The following FNIP1 variants were observed in gnomAD, a reference collection of about 807,000 sequenced individuals.
The protein encoded by FNIP1 is folliculin-interacting protein 1.
A neutral mutation model predicts 124.5 loss-of-function variants in FNIP1; 40 were observed. The observed-to-expected ratio is 0.32, with a 90% CI of 0.25 to 0.42. The LOEUF is 0.42. Ranked by LOEUF, FNIP1 falls within the 10% of genes least tolerant of loss-of-function variation. FNIP1 has a pLI of 1.00. For missense variants in FNIP1, 1,176 were observed against 1,403.7 expected (o/e 0.84, Z 2.59); for synonymous variants, 472 against 470.6 (o/e 1.00, Z -0.04).
At chr5:131,760,195 T>C (rs1771180672) in intron 1 of FNIP1, among the ~76,000 whole-genome samples, 1 of 152,028 alleles carries the variant, frequency 6.6e-6, no homozygotes, top group South Asian at 2.1e-4. Context: ...AATATGCCCA[T>C]GTAACAAACC....
At position 131,704,065 on chromosome 5, in the gene FNIP1, C is replaced by A; in HGVS notation, c.1116G>T (p.Gln372His). ...TACATAAATAAATAACTATGCTTAC[C>A]TGTTCTATTGCACTCTTTAATTTGT... ...HMNKLKSAIE[Q>H]AMKMSRRSAD... Residue 372 changes from glutamine (Q) to histidine (H), a missense_variant and splice_region_variant, in exon 10 of 18, where the codon CAG (glutamine) becomes CAT (histidine). Coordinates refer to ENST00000510461, the MANE Select transcript of FNIP1 (RefSeq NM_133372.3). 1 of 1,595,312 alleles carries A rather than the reference C, an allele frequency of 6.3e-7. No individual in the cohort carries two copies. The highest frequency in any genetic ancestry group is 8.6e-7 in the Non-Finnish European group (1 of 1,166,068).
intron 11 of FNIP1, among the ~76,000 whole-genome samples, chr5:131,684,934 G>C (rs1481711735): frequency 6.6e-6 from 1 of 152,116 alleles, no homozygotes; most frequent in Non-Finnish European, 1.5e-5. Flanking sequence ...TACTCAGAAA[G>C]AATCCTGAAG....
chr5:131,672,955 GT>G lies in FNIP1; in HGVS notation c.1520-32del, dbSNP rs767624072. On this transcript the variant is annotated intron_variant, in intron 13 of 17. Transcript: ENST00000510461. ...ATGGAAAAAATCAGTTATTGGACAT[GT>G]CCTTTACTGACACAGCTAAGTAAGC... 18 of 1,422,564 alleles carry G rather than the reference GT, an allele frequency of 1.3e-5. No homozygotes were observed. The South Asian group carries it at 2.6e-4, about 20-fold the overall frequency. The allele number at this position is 1,422,564 out of a possible 1,614,324, so 88.1% of individuals were successfully genotyped here. A position where few individuals can be genotyped will look rare whatever the true frequency, so the allele number is the denominator to read the frequency against.
At position 131,716,623 on chromosome 5, in the gene FNIP1, G is replaced by A; in HGVS notation, c.564C>T (p.Asp188=). Residue 188 remains aspartate (D), a synonymous_variant, in exon 6 of 18, where the codon GAC becomes GAT. Transcript: ENST00000510461. ...TATTATCAGCCTTTAATGTATTGTTGTCCTGATTGATGAATTCAAGACTAT... is the reference window on the plus strand; with the variant it reads ...TATTATCAGCCTTTAATGTATTGTTATCCTGATTGATGAATTCAAGACTAT... ...LQDSLEFINQ[D]NNTLKADNNT... 6.2e-7 allele frequency: 1 copy of A among 1,603,526 alleles called. No homozygotes were observed. The highest frequency in any genetic ancestry group is 8.5e-7 in the Non-Finnish European group (1 of 1,175,360).
intron 15 of FNIP1, among the ~76,000 whole-genome samples, chr5:131,667,868 G>A (rs754457667): frequency 4.9e-4 from 75 of 152,260 alleles, no homozygotes; most frequent in Non-Finnish European, 7.2e-4. Context: ...GATTATAGGC[G>A]TGAGCCACCA....
intron 10 of FNIP1, among the ~76,000 whole-genome samples, chr5:131,699,727 C>T (rs565055211): frequency 6.6e-6 from 1 of 151,316 alleles, no homozygotes; most frequent in East Asian, 2.0e-4. Context: ...CCCAGCCTGG[C>T]CAACATGGCA....
chr5:131,782,018 G>A (rs956662558), intron 1 of FNIP1, among the ~76,000 whole-genome samples: 5 of 152,126 alleles, frequency 3.3e-5, no homozygotes, highest in South Asian at 2.1e-4. Context: ...GCCAGGCATC[G>A]TGGCAAACAC....
At chr5:131,733,121 C>G (rs562171810) in intron 2 of FNIP1, among the ~76,000 whole-genome samples, 4 of 152,052 alleles carry the variant, frequency 2.6e-5, no homozygotes, top group African/African-American at 9.7e-5. Flanking sequence ...CATGATTTGG[C>G]TCTCTGTTTG....
chr5:131,704,399 T>C (rs1447277771), intron 9 of FNIP1, 133 bp from the exon 10 acceptor site: 9 of 685,120 alleles, frequency 1.3e-5, no homozygotes, highest in Non-Finnish European at 1.9e-5. Flanking sequence ...TTCATACCAA[T>C]TGTATATCTC....
At position 131,677,719 on chromosome 5, in the gene FNIP1, T is replaced by C; in HGVS notation, c.1503A>G (p.Pro501=). ...ATTACATACCCAGTTGTGCCCAAAG[T>C]GGGTTATATGGATGAGTCTTTGCCA... ...DMLAKTHPYN[P]LWAQLGDLYG... Residue 501 remains proline, a synonymous_variant, in exon 13 of 18, where the codon CCA becomes CCG. Transcript: ENST00000510461. 6.2e-7 allele frequency: 1 copy of C among 1,613,708 alleles called. No homozygotes were observed.
chr5:131,684,179 T>C (rs892794171), intron 11 of FNIP1, among the ~76,000 whole-genome samples: 1 of 152,234 alleles, frequency 6.6e-6, no homozygotes, highest in African/African-American at 2.4e-5. Flanking sequence ...CAAAAAAGTA[T>C]ATTTGTTAAC....
chr5:131,793,323 C>T (rs1431880534), intron 1 of FNIP1, among the ~76,000 whole-genome samples: 1 of 152,182 alleles, frequency 6.6e-6, no homozygotes, highest in Non-Finnish European at 1.5e-5. Context: ...GTATAAGCCA[C>T]CAAACCCAGC....
chr5:131,695,526 A>C (rs1768664794), intron 11 of FNIP1, among the ~76,000 whole-genome samples: 1 of 152,214 alleles, frequency 6.6e-6, no homozygotes, highest in African/African-American at 2.4e-5. Context: ...ACAAACATGG[A>C]TAGTATCAGA....
Position 131,671,778 on chromosome 5 carries a change from T to C in FNIP1, c.2666A>G (p.Glu889Gly). ...KQNNEFCKCI[E>G]TVPQDSCKTC... Reference sequence around the variant, plus strand: ...TTTACATGAATCTTGGGGAACTGTTTCTATACATTTACAAAATTCATTGTT... The same window carrying C: ...TTTACATGAATCTTGGGGAACTGTTCCTATACATTTACAAAATTCATTGTT... Residue 889 changes from glutamate (E) to glycine (G), a missense_variant, in exon 14 of 18, where the codon GAA becomes GGA. Physicochemically the swap from Glu to Gly is moderately conservative, Grantham distance 98. Transcript: ENST00000510461. The C allele has an allele frequency of 6.2e-7, 1 of 1,614,110 alleles. No homozygotes were observed. The highest frequency in any genetic ancestry group is 8.5e-7 in the Non-Finnish European group (1 of 1,180,022).
At chr5:131,703,049 A>T (rs2149532328) in intron 10 of FNIP1, among the ~76,000 whole-genome samples, 1 of 152,330 alleles carries the variant, frequency 6.6e-6, no homozygotes, top group South Asian at 2.1e-4. Flanking sequence ...GGATGTCCAT[A>T]TGCAAATATA....
At chr5:131,690,448 C>T (rs1447814607) in intron 11 of FNIP1, among the ~76,000 whole-genome samples, 1 of 152,020 alleles carries the variant, frequency 6.6e-6, no homozygotes, top group Admixed American at 6.6e-5. Context: ...AGGCGGTTTC[C>T]CCCATGCTGT....
intron 10 of FNIP1, among the ~76,000 whole-genome samples, chr5:131,701,085 C>T (rs547877534): frequency 5.9e-5 from 9 of 152,264 alleles, no homozygotes; most frequent in African/African-American, 1.2e-4. Context: ...ACTGCCTGAG[C>T]GCTACCTCCT....
rs142912234 is a variant in FNIP1 at position 131,712,975 on chromosome 5, A to G, written c.623-2314T>C. ...CTTATAGCAGTAATTGATGCTGATT[A>G]TATTACACTGTAAACTTTTTTCCCA... On this transcript the variant is annotated intron_variant, in intron 6 of 17. Coordinates refer to ENST00000510461, the MANE Select transcript of FNIP1 (RefSeq NM_133372.3). Among the ~76,000 whole-genome samples, 227 of 152,254 alleles carry G rather than the reference A, an allele frequency of 1.5e-3. 1 individual carries two copies. The highest frequency in any genetic ancestry group is 5.2e-3 in the African/African-American group (218 of 41,542).
intron 1 of FNIP1, among the ~76,000 whole-genome samples, chr5:131,759,836 C>A (rs190345530): frequency 1.5e-3 from 226 of 152,158 alleles, no homozygotes; most frequent in Admixed American, 4.3e-3. Context: ...TGGAATAAAC[C>A]TAGGGGCCCA....
Sources: allele counts gnomAD v4.1 joint callset (sites outside exome capture counted in the v4.1 genomes callset), GRCh38; gene constraint gnomAD v4.1.1; transcripts MANE v1.5; gene names NCBI Gene and HGNC (gene_info 2026-07-23, HGNC 2026-07-21).